ACOT12: variants seen among roughly 807,000 people sequenced by gnomAD.
The protein encoded by ACOT12 is acyl-CoA thioesterase 12.
In ACOT12, 51 loss-of-function variants were observed where a neutral mutation model predicts 67.7. That is an observed-to-expected ratio of 0.75 (90% confidence interval 0.60 to 0.95). The LOEUF (loss-of-function observed/expected upper bound fraction) is 0.95. ACOT12 is among the 40% of genes least tolerant of loss of function. The probability of loss-of-function intolerance (pLI) is 0.00; values close to 1 mark genes in which losing one functional copy is unlikely to be tolerated. For missense variants in ACOT12, 734 were observed against 708.1 expected, an observed-to-expected ratio of 1.04 and a Z score of -0.41; for synonymous variants, 251 against 244.6, an observed-to-expected ratio of 1.03 and a Z score of -0.24.
intron 5 of ACOT12, among the ~76,000 whole-genome samples, chr5:81,355,756 T>G (rs1043630029): frequency 1.3e-5 from 2 of 152,012 alleles, no homozygotes; most frequent in Non-Finnish European, 2.9e-5. Flanking sequence ...TTGGGTTGAG[T>G]GGGCCGATGG....
the ACOT12 span, among the ~76,000 whole-genome samples, chr5:81,318,367 T>C: frequency 6.6e-6 from 1 of 152,346 alleles, no homozygotes; most frequent in Admixed American, 6.5e-5. Context: ...AGTATATTTT[T>C]GGACTCTCAG....
intron 1 of ACOT12, among the ~76,000 whole-genome samples, chr5:81,388,369 C>T (rs541366920): frequency 1.1e-4 from 16 of 152,254 alleles, no homozygotes; most frequent in South Asian, 4.1e-4. Flanking sequence ...TGTTTTTAAA[C>T]GAGTGTCAAT....
chr5:81,346,067 C>T (rs988528970), intron 6 of ACOT12, 63 bp from the exon 7 acceptor site: 8 of 1,588,992 alleles, frequency 5.0e-6, no homozygotes, highest in Non-Finnish European at 6.0e-6. Flanking sequence ...CGAACAAATG[C>T]ACAGACAAGT....
At chr5:81,376,200 C>A (rs1760407244) in intron 2 of ACOT12, among the ~76,000 whole-genome samples, 1 of 152,068 alleles carries the variant, frequency 6.6e-6, no homozygotes. Flanking sequence ...CAAAACCACA[C>A]AACTACATGG....
chr5:81,308,871 G>T, the ACOT12 span: 108 of 1,420,838 alleles, frequency 7.6e-5, no homozygotes, highest in Admixed American at 4.5e-4. Flanking sequence ...TTTATTCAGA[G>T]TATTTTAAAA....
At chr5:81,317,535 A>G in the ACOT12 span, among the ~76,000 whole-genome samples, 2 of 151,426 alleles carry the variant, frequency 1.3e-5, no homozygotes, top group Admixed American at 6.6e-5. Context: ...TAATTGACTC[A>G]CAGTTTCACA....
At position 81,345,951 on chromosome 5, in the gene ACOT12, C is replaced by T. The variant is rs375702677; in HGVS notation, c.707G>A (p.Arg236Gln). ...FLKSVDMFKF[R>Q]GPSTVGDRLV... ...ACGATCTCCAACTGTAGATGGTCCC[C>T]GGAACTTAAACATATCTACGGACTT... The change falls in exon 7 of 15, where the codon CGG (arginine) becomes CAG (glutamine). Residue 236 changes from arginine to glutamine, a missense_variant. Arg to Gln is a conservative substitution (Grantham distance 43). Transcript: ENST00000307624. 212 of 1,613,912 alleles carry T rather than the reference C, an allele frequency of 1.3e-4. 1 individual carries two copies. In the South Asian group the frequency reaches 1.6e-3, roughly 12 times the overall value.
intron 2 of ACOT12, among the ~76,000 whole-genome samples, chr5:81,375,567 A>C (rs1760386104): frequency 6.6e-6 from 1 of 152,142 alleles, no homozygotes; most frequent in South Asian, 2.1e-4. Context: ...GTCAAGACTT[A>C]TCAGTGTGCT....
At chr5:81,322,833 C>T in the ACOT12 span, among the ~76,000 whole-genome samples, 4 of 152,196 alleles carry the variant, frequency 2.6e-5, no homozygotes, top group East Asian at 3.9e-4. Flanking sequence ...AAATGCCAGA[C>T]GCTTATAAAA....
At chr5:81,370,073 A>G (rs973550122) in intron 3 of ACOT12, among the ~76,000 whole-genome samples, 2 of 152,146 alleles carry the variant, frequency 1.3e-5, no homozygotes, top group Admixed American at 6.5e-5. Flanking sequence ...ATGAGGTCAG[A>G]AGATTGAGAT....
chr5:81,327,739 C>G (rs941293592), downstream of ACOT12, among the ~76,000 whole-genome samples: 6 of 152,244 alleles, frequency 3.9e-5, no homozygotes, highest in Admixed American at 3.9e-4. Context: ...CCGCGGCTGG[C>G]TGAGATTCCT....
downstream of ACOT12, among the ~76,000 whole-genome samples, chr5:81,328,321 T>G (rs1758724363): frequency 6.6e-6 from 1 of 152,192 alleles, no homozygotes; most frequent in African/African-American, 2.4e-5. Context: ...TATTCTATAT[T>G]AATTTTATTT....
At chr5:81,315,749 G>A in the ACOT12 span, among the ~76,000 whole-genome samples, 4 of 152,136 alleles carry the variant, frequency 2.6e-5, no homozygotes, top group African/African-American at 7.2e-5. Context: ...CCATATGTGA[G>A]GGACAGAAAG....
At chr5:81,351,820 C>T (rs1759560646) in intron 5 of ACOT12, among the ~76,000 whole-genome samples, 1 of 152,040 alleles carries the variant, frequency 6.6e-6, no homozygotes, top group South Asian at 2.1e-4. Context: ...AAGAGACAAC[C>T]CACAGAATGG....
chr5:81,368,333 C>T (rs2153855757), intron 3 of ACOT12, among the ~76,000 whole-genome samples: 1 of 152,174 alleles, frequency 6.6e-6, no homozygotes, highest in East Asian at 1.9e-4. Flanking sequence ...TTGAACAACA[C>T]TGTGAACCAA....
chr5:81,363,961 T>G (rs1041285304), intron 3 of ACOT12, 72 bp from the exon 4 acceptor site: 1 of 935,024 alleles, frequency 1.1e-6, no homozygotes, highest in Admixed American at 3.0e-5. Context: ...TTTAGTCATA[T>G]GTATGCACCA....
In ACOT12 at chr5:81,330,413, C is replaced by A; in HGVS notation, c.1649G>T (p.Gly550Val). ...TGACCTTTAAAATGTGCTTACAAACCCATCATCAGGAGGATTCTCTAAGAA... is the reference window on the plus strand; with the variant it reads ...TGACCTTTAAAATGTGCTTACAAACACATCATCAGGAGGATTCTCTAAGAA... The part of the protein sequence containing the change: ...IQFLENPPDD[G>V]FVSTF Residue 550 changes from glycine (G) to valine (V), a missense_variant, in exon 15 of 15, where the codon GGG (glycine) becomes GTG (valine). Coordinates refer to ENST00000307624, the MANE Select transcript of ACOT12 (RefSeq NM_130767.3). The A allele has an allele frequency of 6.2e-7, 1 of 1,611,626 alleles. No individual in the cohort carries two copies. The highest frequency in any genetic ancestry group is 8.5e-7 in the Non-Finnish European group (1 of 1,178,956).
intron 11 of ACOT12, 133 bp downstream of exon 11, chr5:81,342,539 C>T (rs902430941): frequency 1.5e-5 from 13 of 846,780 alleles, no homozygotes; most frequent in Non-Finnish European, 1.5e-5. Context: ...AAGATGGTTG[C>T]GTCTTAGAAA....
At chr5:81,385,889 G>A in intron 1 of ACOT12, 63 bp from the exon 2 acceptor site, 1 of 1,458,606 alleles carries the variant, frequency 6.9e-7, no homozygotes, top group Non-Finnish European at 9.5e-7. Flanking sequence ...CAGTATAAGG[G>A]AAAGGAATGA....
Sources: allele counts gnomAD v4.1 joint callset (sites outside exome capture counted in the v4.1 genomes callset), GRCh38; gene constraint gnomAD v4.1.1; transcripts MANE v1.5; gene names NCBI Gene and HGNC (gene_info 2026-07-23, HGNC 2026-07-21).